Variants in PRKAR2A observed in about 807,000 individuals in gnomAD.
The protein encoded by PRKAR2A is cAMP-dependent protein kinase type II-alpha regulatory subunit.
In PRKAR2A, 29 loss-of-function variants were observed where a neutral mutation model predicts 51.9. The observed-to-expected ratio is 0.56, with a 90% CI of 0.42 to 0.76. The LOEUF (loss-of-function observed/expected upper bound fraction) is 0.76, where lower values mean the gene tolerates loss of function less well. PRKAR2A is among the 30% of genes least tolerant of loss of function. The pLI is 0.00. For missense variants in PRKAR2A, 445 were observed against 512.1 expected (o/e 0.87, Z 1.26); for synonymous variants, 178 against 186.2 (o/e 0.96, Z 0.36).
intron 5 of PRKAR2A, among the ~76,000 whole-genome samples, chr3:48,776,945 A>C (rs1252773241): frequency 2.0e-5 from 3 of 152,206 alleles, no homozygotes; most frequent in African/African-American, 7.2e-5. Context: ...AATTATGTAA[A>C]GATAATTCCA....
chr3:48,761,921 C>T (rs1285516139), intron 8 of PRKAR2A, among the ~76,000 whole-genome samples: 2 of 152,104 alleles, frequency 1.3e-5, no homozygotes, highest in Admixed American at 6.6e-5. Context: ...CCCTGCCTGA[C>T]CAAAAATTTT....
intron 6 of PRKAR2A, 62 bp from the exon 7 acceptor site, chr3:48,765,411 T>C: frequency 8.6e-7 from 1 of 1,158,682 alleles, no homozygotes; most frequent in South Asian, 1.5e-5. Context: ...TATGGTTTAA[T>C]TAACTGGCCA....
intron 1 of PRKAR2A, among the ~76,000 whole-genome samples, chr3:48,825,346 C>T (rs1002438214): frequency 2.0e-5 from 3 of 152,120 alleles, no homozygotes; most frequent in Non-Finnish European, 4.4e-5. Flanking sequence ...TGCTAGGTTG[C>T]TCAGGCTGGA....
At position 48,765,477 on chromosome 3, in the gene PRKAR2A, C is replaced by T. The variant is rs2081927668; in HGVS notation, c.697-128G>A. 8 of 671,460 alleles carry T rather than the reference C, an allele frequency of 1.2e-5. No individual in the cohort carries two copies. The East Asian group carries it at 2.0e-4, about 16-fold the overall frequency. The allele number at this position is 671,460 out of a possible 1,614,324, so 41.6% of individuals were successfully genotyped here. A position where few individuals can be genotyped will look rare whatever the true frequency, so the allele number is the denominator to read the frequency against. On this transcript the variant is annotated intron_variant, in intron 6 of 10. Coordinates refer to ENST00000265563, the MANE Select transcript of PRKAR2A (RefSeq NM_004157.4). ...TGTGTTAATTAAGTGTTTAATGATA[C>T]TTCAATCTTGAGTCATCACTGGAAG...
At chr3:48,818,919 GT>G (rs2082915655) in intron 1 of PRKAR2A, among the ~76,000 whole-genome samples, 1 of 151,936 alleles carries the variant, frequency 6.6e-6, no homozygotes, top group Non-Finnish European at 1.5e-5. Context: ...TTGTTTGCTG[GT>G]TTTTCAAAAT....
chr3:48,813,074 TTGCATAGAA>T (rs2082802747), intron 1 of PRKAR2A, among the ~76,000 whole-genome samples: 1 of 151,976 alleles, frequency 6.6e-6, no homozygotes, highest in South Asian at 2.1e-4. Context: ...AAAAGTCCAT[TTGCATAGAA>T]ATTTGGGCAA....
Position 48,839,288 on chromosome 3 carries a change from A to T in PRKAR2A, c.262+8047T>A, listed in dbSNP as rs1049770570. Among the ~76,000 whole-genome samples the T allele has an allele frequency of 3.5e-5, 5 of 141,778 alleles. No homozygotes were observed. The South Asian group carries it at 8.8e-4, about 25-fold the overall frequency. 93.0% of individuals were successfully genotyped at this position (141,778 alleles called of 152,430 possible). ...GGACAACAAGAGCAAAATTCCGTCT[A>T]AAAAAAAAAAAAAAATTATTATGGT... On this transcript the variant is annotated intron_variant, in intron 1 of 10. Coordinates refer to ENST00000265563, the MANE Select transcript of PRKAR2A (RefSeq NM_004157.4).
chr3:48,834,726 G>GAAA (rs567543851), intron 1 of PRKAR2A, among the ~76,000 whole-genome samples: 1 of 49,698 alleles, frequency 2.0e-5, no homozygotes, highest in Middle Eastern at 0.011. Flanking sequence ...CCTGTCTCAA[G>GAAA]AAAAAAAAAA....
At chr3:48,838,560 T>C (rs2107459817) in intron 1 of PRKAR2A, among the ~76,000 whole-genome samples, 1 of 149,960 alleles carries the variant, frequency 6.7e-6, no homozygotes, top group South Asian at 2.1e-4. Flanking sequence ...TGAGCTGAGA[T>C]CTCACCACTG....
chr3:48,768,682 A>C (rs1223153742), intron 6 of PRKAR2A, among the ~76,000 whole-genome samples: 1 of 151,426 alleles, frequency 6.6e-6, no homozygotes, highest in Non-Finnish European at 1.5e-5. Flanking sequence ...TGGGCAACAG[A>C]GACTCCGTCT....
At chr3:48,791,903 CAAAAAAAAAAAAAA>C (rs1177374619) in intron 3 of PRKAR2A, among the ~76,000 whole-genome samples, 7 of 41,892 alleles carry the variant, frequency 1.7e-4, no homozygotes, top group South Asian at 3.1e-3. Flanking sequence ...AACTCTGTCT[CAAAAAAAAAAAAAA>C]AAAAAAAAAA....
intron 2 of PRKAR2A, among the ~76,000 whole-genome samples, chr3:48,802,572 C>T (rs565586489): frequency 2.2e-4 from 33 of 152,194 alleles, no homozygotes; most frequent in Admixed American, 1.8e-3. Flanking sequence ...GGCATGGTGG[C>T]GCACACCTGT....
chr3:48,810,474 C>T (rs778744229), intron 1 of PRKAR2A, among the ~76,000 whole-genome samples: 16 of 152,208 alleles, frequency 1.1e-4, no homozygotes, highest in Non-Finnish European at 2.2e-4. Flanking sequence ...TACTTCATTC[C>T]TGTGGATTTA....
chr3:48,779,238 G>A (rs1316673492), intron 5 of PRKAR2A, among the ~76,000 whole-genome samples: 1 of 152,122 alleles, frequency 6.6e-6, no homozygotes, highest in Non-Finnish European at 1.5e-5. Flanking sequence ...GGGATTGCAG[G>A]TGCAAACCAC....
At chr3:48,833,430 A>C (rs144186612) in intron 1 of PRKAR2A, among the ~76,000 whole-genome samples, 243 of 152,300 alleles carry the variant, frequency 1.6e-3, no homozygotes, top group African/African-American at 5.6e-3. Flanking sequence ...GTTTCTTGCC[A>C]GGCGCAGAGG....
intron 1 of PRKAR2A, among the ~76,000 whole-genome samples, chr3:48,833,375 G>A (rs190789942): frequency 7.2e-5 from 11 of 152,154 alleles, no homozygotes; most frequent in Admixed American, 2.0e-4. Context: ...CTTAAGAAGC[G>A]TCACCATATA....
Position 48,765,285 on chromosome 3 carries a change from G to A in PRKAR2A, c.761C>T (p.Ser254Leu), listed in dbSNP as rs761839330. 6.2e-7 allele frequency: 1 copy of A among 1,612,732 alleles called. No individual in the cohort carries two copies. The highest frequency in any genetic ancestry group is 1.3e-5 in the African/African-American group (1 of 75,010). ...AAGGAGGGGCACAGACTCAATAAAT[G>A]ATTCAAACATCTTCCTCTTCTTTGC... ...NNAKKRKMFE[S>L]FIESVPLLKS... The change falls in exon 7 of 11, where the codon TCA becomes TTA. Residue 254 changes from serine to leucine, a missense_variant. Physicochemically the swap from Ser to Leu is moderately radical, Grantham distance 145. Transcript: ENST00000265563.
Position 48,773,060 on chromosome 3 carries a change from A to C in PRKAR2A, c.591T>G (p.Val197=). 1 of 1,613,558 alleles carries C rather than the reference A, an allele frequency of 6.2e-7. No individual in the cohort carries two copies. The highest frequency in any genetic ancestry group is 8.5e-7 in the Non-Finnish European group (1 of 1,179,646). Residue 197 remains valine (V), a synonymous_variant, in exon 6 of 11, where the codon GTT becomes GTG. Transcript: ENST00000265563. ...AACTGCCACGGTTGTCATATTGACC[A>C]ACAGAGCGGGTTTGATTATCTTTTG... ...LVTKDNQTRS[V]GQYDNRGSFG... is the part of the protein sequence containing the mutation.
intron 1 of PRKAR2A, among the ~76,000 whole-genome samples, chr3:48,837,877 G>A (rs1200462923): frequency 6.6e-6 from 1 of 152,044 alleles, no homozygotes; most frequent in Non-Finnish European, 1.5e-5. Flanking sequence ...CTAAGTGCCA[G>A]CGGCAAAAGA....
Sources: gnomAD v4.1 joint callset for allele counts (sites outside exome capture counted in the v4.1 genomes callset) on GRCh38, gnomAD v4.1.1 for gene constraint, MANE v1.5 for transcripts, NCBI Gene and HGNC (gene_info 2026-07-23, HGNC 2026-07-21) for gene names.